HMCN1: variants seen among roughly 807,000 people sequenced by gnomAD.
HMCN1 encodes hemicentin 1.
HMCN1 carries 321 observed loss-of-function variants against 625.9 expected under a neutral mutation model. The ratio of observed to expected loss-of-function variants is 0.51; its 90% CI spans 0.47 to 0.56. The LOEUF is 0.56. HMCN1 is among the 20% of genes least tolerant of loss of function. HMCN1 has a pLI of 0.00. For missense variants in HMCN1, 6,588 were observed against 6,887.3 expected (o/e 0.96, Z 1.54); for synonymous variants, 2,425 against 2,417.6 (o/e 1.00, Z -0.09).
intron 4 of HMCN1, among the ~76,000 whole-genome samples, chr1:185,908,494 A>G (rs578098667): frequency 1.3e-5 from 2 of 152,134 alleles, no homozygotes; most frequent in South Asian, 2.1e-4. Context: ...GACTAAAATT[A>G]TAAGATCATC....
chr1:186,112,851 T>G lies in HMCN1; in HGVS notation c.11029T>G (p.Leu3677Val), dbSNP rs543080560. The change falls in exon 72 of 107, where the codon TTG (leucine) becomes GTG (valine). Residue 3677 changes from leucine (L) to valine (V), a missense_variant. Leu to Val is a conservative substitution (Grantham distance 32, BLOSUM62 1). Transcript: ENST00000271588. The stretch of plus-strand genomic sequence containing the variant: ...GCGAATCCTATCTGGAGGGAGATAC[T>G]TGCAAATCAACAATGCTGACCTAGG... ...RVRILSGGRYLQINNADLGDT... is the reference protein window; with the variant it reads ...RVRILSGGRYVQINNADLGDT... 1.1e-5 allele frequency: 17 copies of G among 1,614,102 alleles called. No homozygotes were observed. In the Admixed American group the frequency reaches 2.7e-4, roughly 25 times the overall value.
At chr1:185,950,588 A>C (rs1668600174) in intron 11 of HMCN1, among the ~76,000 whole-genome samples, 1 of 151,658 alleles carries the variant, frequency 6.6e-6, no homozygotes, top group Non-Finnish European at 1.5e-5. Context: ...TTTTTATGAG[A>C]ATTATGCCGA....
intron 2 of HMCN1, among the ~76,000 whole-genome samples, chr1:185,855,648 C>T (rs925588242): frequency 1.3e-5 from 2 of 152,184 alleles, no homozygotes; most frequent in Non-Finnish European, 2.9e-5. Flanking sequence ...CCCAACAAAA[C>T]ATGTCCCCTG....
At chr1:185,857,158 T>C (rs1016016889) in intron 2 of HMCN1, among the ~76,000 whole-genome samples, 1 of 152,230 alleles carries the variant, frequency 6.6e-6, no homozygotes, top group Non-Finnish European at 1.5e-5. Context: ...GTTACAGTTT[T>C]TTAAAAATAT....
chr1:185,802,839 G>T (rs184865177), intron 1 of HMCN1, among the ~76,000 whole-genome samples: 14 of 152,200 alleles, frequency 9.2e-5, no homozygotes, highest in Middle Eastern at 3.4e-3. Context: ...GTCTGTAAGT[G>T]GGGGGAGAAA....
chr1:185,993,293 CAAATT>C lies in HMCN1; in HGVS notation c.3494_3498del (p.Leu1165CysfsTer12). On this transcript the variant is annotated frameshift_variant, in exon 23 of 107. Transcript: ENST00000271588. LOFTEE classifies it high-confidence loss of function. ...TTGCTGGGAATGTGACTCAGGCTGTCAAATTAAATGTCCATGGTGAGTCTTGAAAT... is the reference window on the plus strand; with the variant it reads ...TTGCTGGGAATGTGACTCAGGCTGTCAAATGTCCATGGTGAGTCTTGAAAT... The C allele has an allele frequency of 1.2e-6, 2 of 1,612,840 alleles. No individual in the cohort carries two copies. The highest frequency in any genetic ancestry group is 1.7e-6 in the Non-Finnish European group (2 of 1,179,086).
chr1:185,764,679 G>A (rs1571319637), intron 1 of HMCN1, among the ~76,000 whole-genome samples: 1 of 152,018 alleles, frequency 6.6e-6, no homozygotes, highest in African/African-American at 2.4e-5. Flanking sequence ...ACTTAATGAG[G>A]TGTGGCTATA....
intron 97 of HMCN1, 23 bp downstream of exon 97, chr1:186,154,010 A>C: frequency 6.4e-7 from 1 of 1,573,400 alleles, no homozygotes; most frequent in African/African-American, 1.3e-5. Flanking sequence ...AAGAAAATCC[A>C]TATCTTTATG....
At chr1:186,078,026 A>G (rs1658934168) in intron 54 of HMCN1, 81 bp from the exon 55 acceptor site, 2 of 1,010,314 alleles carry the variant, frequency 2.0e-6, no homozygotes, top group African/African-American at 3.2e-5. Context: ...GGCAGTCATT[A>G]GACCTGAAAA....
intron 4 of HMCN1, among the ~76,000 whole-genome samples, chr1:185,866,393 C>CATA (rs1456152136): frequency 1.4e-4 from 20 of 141,036 alleles, no homozygotes; most frequent in Non-Finnish European, 2.7e-4. Flanking sequence ...ATAGGTTTGT[C>CATA]ATAATTTTTT....
chr1:185,919,534 C>T (rs1300520294), intron 6 of HMCN1, among the ~76,000 whole-genome samples: 2 of 152,294 alleles, frequency 1.3e-5, no homozygotes, highest in East Asian at 3.9e-4. Context: ...TTGGCCACCA[C>T]CCCCTTGCCT....
chr1:185,946,074 A>G (rs891870781), intron 11 of HMCN1, among the ~76,000 whole-genome samples: 1 of 152,200 alleles, frequency 6.6e-6, no homozygotes, highest in Non-Finnish European at 1.5e-5. Flanking sequence ...AGTTGAAGGA[A>G]GAAGTGTGGG....
chr1:186,137,059 G>C (rs1649650755), intron 87 of HMCN1, 122 bp downstream of exon 87: 1 of 1,199,352 alleles, frequency 8.3e-7, no homozygotes, highest in East Asian at 2.3e-5. Flanking sequence ...ATGATGGGGA[G>C]AGGACAAAAT....
At chr1:185,769,130 G>T (rs564852397) in intron 1 of HMCN1, among the ~76,000 whole-genome samples, 1 of 152,204 alleles carries the variant, frequency 6.6e-6, no homozygotes, top group East Asian at 1.9e-4. Context: ...TGGGAATAGG[G>T]AGACTTTTTG....
intron 4 of HMCN1, among the ~76,000 whole-genome samples, chr1:185,880,425 C>T (rs1014290465): frequency 2.0e-5 from 3 of 152,256 alleles, no homozygotes; most frequent in Admixed American, 2.0e-4. Flanking sequence ...TTTGTTTTAA[C>T]TTTCACTGAT....
At chr1:186,088,865 G>A (rs1486200572) in intron 63 of HMCN1, 110 bp downstream of exon 63, 1 of 1,073,982 alleles carries the variant, frequency 9.3e-7, no homozygotes, top group African/African-American at 1.6e-5. Flanking sequence ...CATATCTTTA[G>A]ATCATCAAAA....
At chr1:185,787,619 G>T (rs1657714422) in intron 1 of HMCN1, among the ~76,000 whole-genome samples, 1 of 152,064 alleles carries the variant, frequency 6.6e-6, no homozygotes, top group Non-Finnish European at 1.5e-5. Context: ...CCATCTTCCA[G>T]CAAGTCCTTA....
chr1:186,136,235 A>T (rs1484838046), intron 86 of HMCN1, among the ~76,000 whole-genome samples: 1 of 152,184 alleles, frequency 6.6e-6, no homozygotes, highest in Non-Finnish European at 1.5e-5. Flanking sequence ...AAAAAAGTGA[A>T]TATTCACCAT....
intron 4 of HMCN1, among the ~76,000 whole-genome samples, chr1:185,884,247 C>G (rs1664495710): frequency 6.6e-6 from 1 of 151,688 alleles, no homozygotes; most frequent in Non-Finnish European, 1.5e-5. Context: ...GAATTTTTAA[C>G]TTATTTATCT....
Sources: allele counts gnomAD v4.1 joint callset (sites outside exome capture counted in the v4.1 genomes callset), GRCh38; gene constraint gnomAD v4.1.1; transcripts MANE v1.5; gene names NCBI Gene and HGNC (gene_info 2026-07-23, HGNC 2026-07-21).